Variants in RCOR1 observed in about 807,000 individuals in gnomAD.
The protein encoded by RCOR1 is REST corepressor.
In RCOR1, 12 loss-of-function variants were observed where a neutral mutation model predicts 64.0. The ratio of observed to expected loss-of-function variants is 0.19; its 90% CI spans 0.12 to 0.30. The LOEUF is 0.30. Ranked by LOEUF, RCOR1 falls within the 10% of genes least tolerant of loss-of-function variation. The pLI is 1.00. For synonymous variants in RCOR1, 279 were observed against 227.2 expected (o/e 1.23, Z -2.05); for missense variants, 502 against 621.2 (o/e 0.81, Z 2.04).
chr14:102,717,649 G>T (rs912442021), intron 8 of RCOR1, among the ~76,000 whole-genome samples: 18 of 152,130 alleles, frequency 1.2e-4, no homozygotes, highest in African/African-American at 4.3e-4. Flanking sequence ...CCTTTACAAG[G>T]ATGCTCCTTT....
At chr14:102,600,433 C>G (rs1893366784) in intron 2 of RCOR1, among the ~76,000 whole-genome samples, 2 of 151,564 alleles carry the variant, frequency 1.3e-5, no homozygotes, top group African/African-American at 4.9e-5. Context: ...CAGAGTTTTG[C>G]TCTTGTCACC....
chr14:102,692,753 C>CTTCCTTCT (rs1555466555), intron 3 of RCOR1, among the ~76,000 whole-genome samples: 1 of 133,122 alleles, frequency 7.5e-6, no homozygotes, highest in Non-Finnish European at 1.6e-5. Flanking sequence ...TCCTTCCTTC[C>CTTCCTTCT]TTCTTTTTCT....
intron 2 of RCOR1, among the ~76,000 whole-genome samples, chr14:102,660,834 T>A (rs1329406040): frequency 6.6e-6 from 1 of 152,208 alleles, no homozygotes; most frequent in African/African-American, 2.4e-5. Flanking sequence ...CATCCTTTCA[T>A]CTAAAAACAT....
chr14:102,615,301 T>A (rs1001849480), intron 2 of RCOR1, among the ~76,000 whole-genome samples: 3 of 70,564 alleles, frequency 4.3e-5, no homozygotes, highest in Non-Finnish European at 7.8e-5. Flanking sequence ...CCTGGCTAAA[T>A]TTTTTTTTTT....
intron 2 of RCOR1, chr14:102,662,664 G>A (rs965281790): frequency 1.6e-5 from 7 of 446,288 alleles, no homozygotes; most frequent in African/African-American, 6.1e-5. Flanking sequence ...CTTTGGCTTC[G>A]GCTTGAGGAG....
At chr14:102,653,915 A>G (rs1894646010) in intron 2 of RCOR1, among the ~76,000 whole-genome samples, 1 of 127,256 alleles carries the variant, frequency 7.9e-6, no homozygotes, top group African/African-American at 3.0e-5. Context: ...CATCTCAGGT[A>G]TTTCCTTCTT....
intron 8 of RCOR1, among the ~76,000 whole-genome samples, chr14:102,719,285 G>C (rs1478668241): frequency 1.3e-5 from 2 of 151,944 alleles, no homozygotes; most frequent in Non-Finnish European, 2.9e-5. Context: ...AAGTTCTAGG[G>C]TACATGTGCA....
At chr14:102,613,815 C>A (rs1893688363) in intron 2 of RCOR1, among the ~76,000 whole-genome samples, 1 of 150,564 alleles carries the variant, frequency 6.6e-6, no homozygotes, top group African/African-American at 2.4e-5. Flanking sequence ...CTTGGCCTCA[C>A]AAAGTGCTGG....
At chr14:102,670,434 A>G (rs1052110653) in intron 2 of RCOR1, among the ~76,000 whole-genome samples, 2 of 152,182 alleles carry the variant, frequency 1.3e-5, no homozygotes, top group African/African-American at 4.8e-5. Context: ...GCTAACTTAA[A>G]GATGGTTTGA....
intron 4 of RCOR1, 146 bp from the exon 5 acceptor site, chr14:102,707,205 G>A (rs936207246): frequency 9.0e-6 from 5 of 555,226 alleles, no homozygotes; most frequent in African/African-American, 7.8e-5. Context: ...TAGAAAAAGG[G>A]GCCTCTGACA....
chr14:102,606,957 G>A (rs1271453114), intron 2 of RCOR1, among the ~76,000 whole-genome samples: 1 of 110,658 alleles, frequency 9.0e-6, no homozygotes, highest in Non-Finnish European at 1.8e-5. Flanking sequence ...TTTTTGAGAC[G>A]AAGTCTCACT....
chr14:102,627,974 T>TGTGTGTGTGTGC (rs1422611234), intron 2 of RCOR1, among the ~76,000 whole-genome samples: 3 of 151,608 alleles, frequency 2.0e-5, no homozygotes, highest in African/African-American at 7.3e-5. Context: ...TGTGTGTGTG[T>TGTGTGTGTGTGC]GTGTGTGTAA....
chr14:102,594,520 G>A (rs1196815310), intron 2 of RCOR1, among the ~76,000 whole-genome samples: 1 of 152,270 alleles, frequency 6.6e-6, no homozygotes, highest in Admixed American at 6.5e-5. Flanking sequence ...TGGACACTCT[G>A]GAAATAAATG....
chr14:102,664,220 C>T (rs905426371), intron 2 of RCOR1, among the ~76,000 whole-genome samples: 2 of 152,132 alleles, frequency 1.3e-5, no homozygotes, highest in Non-Finnish European at 2.9e-5. Flanking sequence ...ATTCTCATCC[C>T]TCAGCCTCTC....
chr14:102,683,230 A>AG (rs1175647404), intron 3 of RCOR1, among the ~76,000 whole-genome samples: 7 of 152,126 alleles, frequency 4.6e-5, no homozygotes, highest in African/African-American at 1.7e-4. Context: ...CTTTAAAAAA[A>AG]CTAACCTGTC....
intron 6 of RCOR1, 69 bp downstream of exon 6, chr14:102,708,652 C>A: frequency 1.2e-6 from 1 of 853,024 alleles, no homozygotes; most frequent in Non-Finnish European, 1.9e-6. Context: ...TACACAAAGG[C>A]AAGGCAGAAT....
At chr14:102,612,364 C>T (rs150886589) in intron 2 of RCOR1, among the ~76,000 whole-genome samples, 13 of 151,846 alleles carry the variant, frequency 8.6e-5, no homozygotes, top group Non-Finnish European at 1.3e-4. Flanking sequence ...CCACCACGCC[C>T]GCTAATTTGT....
intron 3 of RCOR1, among the ~76,000 whole-genome samples, chr14:102,690,765 C>T (rs931255971): frequency 2.0e-5 from 3 of 152,160 alleles, no homozygotes; most frequent in East Asian, 1.9e-4. Flanking sequence ...TTATCATCAC[C>T]GGACATCGTA....
chr14:102,662,023 A>G (rs1894834496), intron 2 of RCOR1, among the ~76,000 whole-genome samples: 1 of 152,098 alleles, frequency 6.6e-6, no homozygotes, highest in Non-Finnish European at 1.5e-5. Context: ...GGCCTCTCAA[A>G]GTGCTGGGAT....
Sources: allele counts gnomAD v4.1 joint callset (sites outside exome capture counted in the v4.1 genomes callset), GRCh38; gene constraint gnomAD v4.1.1; transcripts MANE v1.5; gene names NCBI Gene and HGNC (gene_info 2026-07-23, HGNC 2026-07-21).